DNAH6: variants seen among roughly 807,000 people sequenced by gnomAD.
DNAH6 encodes the protein dynein axonemal heavy chain 6.
In DNAH6, 340 loss-of-function variants were observed where a neutral mutation model predicts 491.4. The ratio of observed to expected loss-of-function variants is 0.69; its 90% confidence interval spans 0.63 to 0.76. The LOEUF (loss-of-function observed/expected upper bound fraction) is 0.76, where lower values mean the gene tolerates loss of function less well. Among genes scored for constraint, DNAH6 ranks in the 30% least tolerant of loss-of-function variants. The pLI, the probability that DNAH6 is intolerant of heterozygous loss-of-function variation, is 0.00. For synonymous variants in DNAH6, 1,603 were observed against 1,686.1 expected, an observed-to-expected ratio of 0.95 and a Z score of 1.21; for missense variants, 4,443 against 4,972.2, an observed-to-expected ratio of 0.89 and a Z score of 3.20.
chr2:84,517,949 C>A lies in DNAH6; in HGVS notation c.123C>A (p.Ser41=). ...AACAAAGAGTGAGTTATGTGACATC[C>A]ACAGAAAATGAATCTGATACACAAA... ...KAKQRVSYVT[S]TENESDTQIL... The change falls in exon 2 of 77, where the codon TCC becomes TCA. Residue 41 remains serine (S), a synonymous_variant. Transcript: ENST00000389394. The A allele has an allele frequency of 6.4e-7, 1 of 1,551,704 alleles. No homozygotes were observed. Among genetic ancestry groups the A allele is most frequent in the East Asian group, 2.4e-5 (1 of 40,886 alleles).
Position 84,707,698 on chromosome 2 carries a change from A to T in DNAH6, c.9030A>T (p.Thr3010=). ...GTGTGGCCTACTATGGGGCTTTCAC[A>T]GCCCAGTACAGGCAGTCAGTGAGTA... ...AACVAYYGAF[T]AQYRQSLIEC... Residue 3010 remains threonine (T), a synonymous_variant, in exon 54 of 77, where the codon ACA becomes ACT. Coordinates refer to ENST00000389394, the MANE Select transcript of DNAH6 (RefSeq NM_001370.2). 6.4e-7 allele frequency: 1 copy of T among 1,552,208 alleles called. No individual in the cohort carries two copies. Among genetic ancestry groups the T allele is most frequent in the Non-Finnish European group, 8.7e-7 (1 of 1,147,026 alleles).
intron 11 of DNAH6, among the ~76,000 whole-genome samples, chr2:84,564,699 G>T (rs1681002652): frequency 1.3e-5 from 2 of 152,188 alleles, no homozygotes; most frequent in East Asian, 3.9e-4. Context: ...TTGCATGATT[G>T]CTCTGACTAG....
chr2:84,507,846 T>A, the DNAH6 span, among the ~76,000 whole-genome samples: 34 of 152,354 alleles, frequency 2.2e-4, no homozygotes, highest in African/African-American at 8.2e-4. Flanking sequence ...TGTCTTTGGT[T>A]CTGTTTATAT....
At chr2:84,467,660 C>T in the DNAH6 span, among the ~76,000 whole-genome samples, 2 of 152,200 alleles carry the variant, frequency 1.3e-5, no homozygotes, top group African/African-American at 4.8e-5. Flanking sequence ...TTACACAGAC[C>T]ATCTGAGACA....
At chr2:84,809,127 G>A (rs1000542054) in intron 72 of DNAH6, among the ~76,000 whole-genome samples, 2 of 152,220 alleles carry the variant, frequency 1.3e-5, no homozygotes, top group African/African-American at 4.8e-5. Flanking sequence ...TATGTTCATA[G>A]ATACTTTCTC....
chr2:84,490,730 T>G, the DNAH6 span, among the ~76,000 whole-genome samples: 1 of 152,108 alleles, frequency 6.6e-6, no homozygotes, highest in Non-Finnish European at 1.5e-5. Flanking sequence ...CTCGGCTAAT[T>G]TTTATATCTT....
At chr2:84,514,818 T>C (rs1007113104), upstream of DNAH6, among the ~76,000 whole-genome samples, 1 of 151,930 alleles carries the variant, frequency 6.6e-6, no homozygotes, top group Non-Finnish European at 1.5e-5. Flanking sequence ...AATATCTTTG[T>C]AAAACTATGT....
chr2:84,523,334 C>A (rs1573493452), intron 2 of DNAH6, among the ~76,000 whole-genome samples: 1 of 151,924 alleles, frequency 6.6e-6, no homozygotes, highest in South Asian at 2.1e-4. Flanking sequence ...TTATTTGGAT[C>A]TTTTCTCTTT....
intron 18 of DNAH6, 125 bp downstream of exon 18, chr2:84,595,914 A>C (rs760596336): frequency 2.0e-4 from 222 of 1,086,640 alleles, no homozygotes; most frequent in Non-Finnish European, 2.7e-4. Flanking sequence ...AAAAAACAAT[A>C]GTCAAATTCA....
At chr2:84,731,318 A>G (rs1699095345) in intron 61 of DNAH6, among the ~76,000 whole-genome samples, 2 of 152,252 alleles carry the variant, frequency 1.3e-5, no homozygotes, top group Non-Finnish European at 2.9e-5. Context: ...CTACTGCTGA[A>G]GATAAGTCCC....
At chr2:84,742,907 A>T (rs1672652140) in intron 62 of DNAH6, among the ~76,000 whole-genome samples, 1 of 152,190 alleles carries the variant, frequency 6.6e-6, no homozygotes. Context: ...ATCCTAATAG[A>T]TTTATTGGAT....
In DNAH6 at chr2:84,613,421, C is replaced by T. The variant is rs77003445; in HGVS notation, c.3475+1567C>T. On this transcript the variant is annotated intron_variant, in intron 22 of 76. Transcript: ENST00000389394. ...GAGTGCTTAGGTGGGGACTGGGCAT[C>T]AGACTGGGTCCTTGATTACATAGAG... Among the ~76,000 whole-genome samples the T allele has an allele frequency of 7.2e-5, 11 of 152,204 alleles. No individual in the cohort carries two copies. The East Asian group carries it at 2.1e-3, about 29-fold the overall frequency.
intron 22 of DNAH6, among the ~76,000 whole-genome samples, chr2:84,614,604 C>T (rs1686662495): frequency 1.3e-5 from 2 of 152,164 alleles, no homozygotes; most frequent in South Asian, 4.1e-4. Context: ...TTTAAGGATT[C>T]TCCACACTGT....
the DNAH6 span, among the ~76,000 whole-genome samples, chr2:84,494,139 G>T: frequency 3.7e-4 from 57 of 152,292 alleles, no homozygotes; most frequent in Middle Eastern, 6.8e-3. Context: ...AGGAGAAGGG[G>T]ATTGGGGACA....
rs1156583704 is a variant in DNAH6, at chr2:84,604,569, A to G, written c.3081+18A>G. On this transcript the variant is annotated intron_variant, in intron 19 of 76. Transcript: ENST00000389394. ...TTAAAAAGGTAAATCTGGAATATAT[A>G]TTTATCTATATACCATTAGGGAATG... The G allele has an allele frequency of 1.3e-6, 2 of 1,526,588 alleles. No homozygotes were observed. Among genetic ancestry groups the G allele is most frequent in the South Asian group, 2.4e-5 (2 of 83,366 alleles). 94.6% of individuals were successfully genotyped at this position (1,526,588 alleles called of 1,614,324 possible). A position where few individuals can be genotyped will look rare whatever the true frequency, so the allele number is the denominator to read the frequency against.
chr2:84,800,891 A>C (rs1488944356), intron 70 of DNAH6, among the ~76,000 whole-genome samples: 1 of 151,998 alleles, frequency 6.6e-6, no homozygotes, highest in Non-Finnish European at 1.5e-5. Context: ...TGTGGCACAT[A>C]TTCACCATGG....
chr2:84,534,058 A>C (rs1014980594), intron 4 of DNAH6, among the ~76,000 whole-genome samples: 1 of 152,080 alleles, frequency 6.6e-6, no homozygotes, highest in Non-Finnish European at 1.5e-5. Flanking sequence ...TAAAATTATG[A>C]CATATTTATT....
chr2:84,550,788 A>G (rs1332725663), intron 9 of DNAH6, among the ~76,000 whole-genome samples: 2 of 152,202 alleles, frequency 1.3e-5, no homozygotes, highest in African/African-American at 4.8e-5. Flanking sequence ...CCTTGTGGGC[A>G]TAAACTGGCA....
intron 10 of DNAH6, among the ~76,000 whole-genome samples, chr2:84,554,386 G>A (rs745566798): frequency 3.3e-5 from 5 of 152,156 alleles, no homozygotes; most frequent in Non-Finnish European, 5.9e-5. Context: ...ACAGGGGCAG[G>A]AATTTTGGGG....
Sources: gnomAD v4.1 joint callset for allele counts (sites outside exome capture counted in the v4.1 genomes callset) on GRCh38, gnomAD v4.1.1 for gene constraint, MANE v1.5 for transcripts, NCBI Gene and HGNC (gene_info 2026-07-23, HGNC 2026-07-21) for gene names.